Variants in PHTF2 observed in about 807,000 individuals in gnomAD.
PHTF2 encodes putative homeodomain transcription factor 2.
PHTF2 carries 60 observed loss-of-function variants against 101.2 expected under a neutral mutation model. The observed-to-expected ratio is 0.59, with a 90% CI of 0.48 to 0.73. The LOEUF (loss-of-function observed/expected upper bound fraction) is 0.73. Among genes scored for constraint, PHTF2 ranks in the 30% least tolerant of loss-of-function variants. The probability of loss-of-function intolerance (pLI) is 0.00; values close to 1 mark genes in which losing one functional copy is unlikely to be tolerated. For missense variants in PHTF2, 747 were observed against 908.7 expected (o/e 0.82, Z 2.29); for synonymous variants, 311 against 307.3 (o/e 1.01, Z -0.13).
intron 5 of PHTF2, among the ~76,000 whole-genome samples, chr7:77,897,000 T>C (rs1487218046): frequency 6.6e-6 from 1 of 152,208 alleles, no homozygotes; most frequent in Non-Finnish European, 1.5e-5. Context: ...TCCATAACCA[T>C]TTTAGAAATT....
At chr7:77,836,813 G>C (rs951816437) in intron 1 of PHTF2, among the ~76,000 whole-genome samples, 1 of 151,778 alleles carries the variant, frequency 6.6e-6, no homozygotes, top group African/African-American at 2.4e-5. Flanking sequence ...CACCAGGGCC[G>C]GTCGGGGTGG....
At chr7:77,937,081 A>G (rs75877178) in intron 12 of PHTF2, among the ~76,000 whole-genome samples, 4 of 89,558 alleles carry the variant, frequency 4.5e-5, no homozygotes, top group Non-Finnish European at 9.5e-5. Flanking sequence ...CTTTATCTGG[A>G]AAAAAAAAAA....
intron 5 of PHTF2, among the ~76,000 whole-genome samples, chr7:77,896,731 A>G (rs1584632457): frequency 1.3e-5 from 2 of 152,322 alleles, no homozygotes; most frequent in South Asian, 4.1e-4. Flanking sequence ...GAAGTTAGAG[A>G]GGTACGTAAC....
At chr7:77,891,346 A>G (rs1372897238) in intron 3 of PHTF2, among the ~76,000 whole-genome samples, 1 of 152,216 alleles carries the variant, frequency 6.6e-6, no homozygotes, top group East Asian at 1.9e-4. Context: ...TCTGATTTTA[A>G]GGAAGATGAC....
At chr7:77,870,587 G>T (rs575298950) in intron 3 of PHTF2, among the ~76,000 whole-genome samples, 3 of 152,260 alleles carry the variant, frequency 2.0e-5, no homozygotes, top group African/African-American at 7.2e-5. Flanking sequence ...GGGTGGGTCT[G>T]CTTTTCCCAG....
chr7:77,949,915 T>C, intron 17 of PHTF2, 82 bp downstream of exon 16: 1 of 765,454 alleles, frequency 1.3e-6, no homozygotes, highest in Non-Finnish European at 2.0e-6. Context: ...TTCAAGAATG[T>C]GTTCTATTTG....
At chr7:77,840,233 A>G (rs751517098) in exon 2 of PHTF2, 4 of 1,581,580 alleles carry the variant, frequency 2.5e-6, no homozygotes, top group Non-Finnish European at 3.5e-6. Context: ...TAAAATGACC[A>G]ATGTGTGATT....
intron 16 of PHTF2, among the ~76,000 whole-genome samples, chr7:77,946,689 A>T (rs1160473968): frequency 6.6e-6 from 1 of 152,222 alleles, no homozygotes; most frequent in Admixed American, 6.5e-5. Flanking sequence ...TCTGAAATAC[A>T]TTCTTTTTCT....
chr7:77,922,766 T>C (rs1211734571), exon 11 of PHTF2: 7 of 1,594,362 alleles, frequency 4.4e-6, no homozygotes, highest in Non-Finnish European at 6.0e-6. Flanking sequence ...ATAAGAAACA[T>C]TACCCTAATG....
intron 3 of PHTF2, among the ~76,000 whole-genome samples, chr7:77,873,352 A>G (rs1362774553): frequency 6.6e-6 from 1 of 152,052 alleles, no homozygotes; most frequent in African/African-American, 2.4e-5. Flanking sequence ...CACCCTTAAC[A>G]TCCATTCCCA....
In PHTF2 at chr7:77,806,374, T is replaced by A. The variant is rs143600470; in HGVS notation, c.-36+7403T>A. 1.2e-3 allele frequency among the ~76,000 whole-genome samples: 183 copies of A among 152,340 alleles called. 3 individuals are homozygous for A. The highest frequency in any genetic ancestry group is 6.8e-3 in the Middle Eastern group (2 of 294). ...CTAGGTGCATGCATATTTATGATTGTTATAATTACTTGGTCAATTGGATCC... is the reference window on the plus strand; with the variant it reads ...CTAGGTGCATGCATATTTATGATTGATATAATTACTTGGTCAATTGGATCC... On this transcript the variant is annotated intron_variant, in intron 1 of 19. Coordinates refer to ENST00000416283, the Ensembl canonical transcript of PHTF2.
chr7:77,941,782 C>T (rs1014049708), intron 15 of PHTF2, among the ~76,000 whole-genome samples: 11 of 152,194 alleles, frequency 7.2e-5, no homozygotes, highest in African/African-American at 9.7e-5. Flanking sequence ...GGCATTCCAG[C>T]ATTCACATTT....
At chr7:77,840,011 T>G (rs1795748946) in intron 1 of PHTF2, 1 of 361,488 alleles carries the variant, frequency 2.8e-6, no homozygotes, top group Non-Finnish European at 5.0e-6. Context: ...TATTTATTCA[T>G]GCAAATAGAA....
At chr7:77,822,995 C>T (rs1204649985) in intron 1 of PHTF2, among the ~76,000 whole-genome samples, 2 of 151,022 alleles carry the variant, frequency 1.3e-5, no homozygotes, top group African/African-American at 4.9e-5. Flanking sequence ...AGCTCCGCCT[C>T]CCGGGTTCAC....
intron 12 of PHTF2, among the ~76,000 whole-genome samples, chr7:77,930,609 C>T (rs904325620): frequency 6.6e-5 from 10 of 152,156 alleles, no homozygotes; most frequent in Non-Finnish European, 2.9e-5. Flanking sequence ...ATCAAAGAAC[C>T]TTCTGCTATA....
At chr7:77,941,186 A>G (rs1477950623) in intron 15 of PHTF2, among the ~76,000 whole-genome samples, 3 of 152,184 alleles carry the variant, frequency 2.0e-5, no homozygotes, top group Non-Finnish European at 2.9e-5. Flanking sequence ...CTGAAGACCA[A>G]TCATCCTCTG....
intron 1 of PHTF2, among the ~76,000 whole-genome samples, chr7:77,810,339 C>A (rs973408559): frequency 6.6e-6 from 1 of 152,166 alleles, no homozygotes; most frequent in Non-Finnish European, 1.5e-5. Context: ...GTACTGTTTT[C>A]TAATCTACAG....
At chr7:77,816,557 G>C (rs1032858139) in intron 1 of PHTF2, among the ~76,000 whole-genome samples, 1 of 152,182 alleles carries the variant, frequency 6.6e-6, no homozygotes, top group African/African-American at 2.4e-5. Context: ...GATCAGATCA[G>C]AGTAATTGAC....
At chr7:77,840,654 C>T (rs1188964338) in intron 2 of PHTF2, among the ~76,000 whole-genome samples, 1 of 151,908 alleles carries the variant, frequency 6.6e-6, no homozygotes, top group East Asian at 1.9e-4. Context: ...TAATTTGTTT[C>T]TTGTAAGTTA....
Sources: allele counts gnomAD v4.1 joint callset (sites outside exome capture counted in the v4.1 genomes callset), GRCh38; gene constraint gnomAD v4.1.1; transcripts MANE v1.5; gene names NCBI Gene and HGNC (gene_info 2026-07-23, HGNC 2026-07-21).